NKAIN3: variants seen among roughly 807,000 people sequenced by gnomAD.
NKAIN3 encodes the protein sodium/potassium transporting ATPase interacting 3.
NKAIN3 carries 25 observed loss-of-function variants against 30.2 expected under a neutral mutation model. That is an observed-to-expected ratio of 0.83 (90% CI 0.60 to 1.16). NKAIN3 has a LOEUF of 1.16. Among genes scored for constraint, NKAIN3 ranks in the 50% most tolerant of loss-of-function variants. The pLI is 0.00. For synonymous variants in NKAIN3, 91 were observed against 89.6 expected (o/e 1.02, Z -0.09); for missense variants, 225 against 254.1 (o/e 0.89, Z 0.78).
intron 3 of NKAIN3, among the ~76,000 whole-genome samples, chr8:62,741,416 AAG>A (rs1815880291): frequency 7.8e-6 from 1 of 128,324 alleles, no homozygotes; most frequent in Non-Finnish European, 1.6e-5. Flanking sequence ...GGAAGGAAGG[AAG>A]GAAGGCAGGC....
intron 3 of NKAIN3, among the ~76,000 whole-genome samples, chr8:62,649,686 C>T (rs1426120168): frequency 6.6e-6 from 1 of 152,098 alleles, no homozygotes; most frequent in African/African-American, 2.4e-5. Context: ...ACTCTTAAAA[C>T]ACGGTTTTAT....
chr8:62,343,646 CA>C (rs957046941), intron 1 of NKAIN3, among the ~76,000 whole-genome samples: 23 of 151,768 alleles, frequency 1.5e-4, no homozygotes, highest in African/African-American at 5.6e-4. Context: ...CCCATGCCTT[CA>C]AAAAAATTTT....
intron 1 of NKAIN3, among the ~76,000 whole-genome samples, chr8:62,324,603 G>C (rs1194099088): frequency 6.6e-6 from 1 of 152,044 alleles, no homozygotes; most frequent in African/African-American, 2.4e-5. Flanking sequence ...TTACAAGAGA[G>C]AGCTAAAACA....
At chr8:62,281,408 C>A (rs1813185882) in intron 1 of NKAIN3, among the ~76,000 whole-genome samples, 2 of 152,098 alleles carry the variant, frequency 1.3e-5, no homozygotes, top group Admixed American at 1.3e-4. Context: ...TATTTCTTGA[C>A]TTCTGCTAAC....
chr8:62,841,784 T>C (rs1299134740), intron 4 of NKAIN3, among the ~76,000 whole-genome samples: 2 of 152,170 alleles, frequency 1.3e-5, no homozygotes, highest in Admixed American at 6.6e-5. Context: ...GGAGTGCAGA[T>C]ATCTCTTTGG....
In NKAIN3 at chr8:62,397,382, T is replaced by C. The variant is rs146444779; in HGVS notation, c.54+148255T>C. ...TGTTTAAAGGATTTCTATCTTGAAG[T>C]ATGTACTTTGTTTTCCTCAGGAGCA... On this transcript the variant is annotated intron_variant, in intron 1 of 6. Coordinates refer to ENST00000623646, the MANE Select transcript of NKAIN3 (RefSeq NM_001304533.3). Among the ~76,000 whole-genome samples the C allele has an allele frequency of 8.3e-3, 1,259 of 152,304 alleles. 26 individuals are homozygous for C. The highest frequency in any genetic ancestry group is 0.034 in the Admixed American group (525 of 15,296).
At chr8:62,588,979 C>T (rs1343877987) in intron 2 of NKAIN3, among the ~76,000 whole-genome samples, 1 of 151,754 alleles carries the variant, frequency 6.6e-6, no homozygotes, top group Non-Finnish European at 1.5e-5. Context: ...GTCTCTCGAT[C>T]TAGGGCTACC....
At chr8:62,307,932 T>C (rs1563927705) in intron 1 of NKAIN3, among the ~76,000 whole-genome samples, 1 of 150,346 alleles carries the variant, frequency 6.7e-6, no homozygotes, top group South Asian at 2.1e-4. Flanking sequence ...GTGGGGAAGA[T>C]GGACTCAGGC....
intron 4 of NKAIN3, among the ~76,000 whole-genome samples, chr8:62,878,658 T>C (rs1224395072): frequency 7.0e-6 from 1 of 142,728 alleles, no homozygotes; most frequent in African/African-American, 2.6e-5. Context: ...GCTATCATTT[T>C]CCCCTCCCCC....
chr8:62,261,513 C>G (rs2129389734), intron 1 of NKAIN3, among the ~76,000 whole-genome samples: 1 of 152,308 alleles, frequency 6.6e-6, no homozygotes, highest in South Asian at 2.1e-4. Context: ...TGGACTTACT[C>G]CAACACCCAG....
chr8:62,611,388 G>T (rs1282989537), intron 3 of NKAIN3, among the ~76,000 whole-genome samples: 1 of 151,972 alleles, frequency 6.6e-6, no homozygotes, highest in Non-Finnish European at 1.5e-5. Context: ...AAGTACTAAG[G>T]TCTTAGTCAT....
intron 1 of NKAIN3, among the ~76,000 whole-genome samples, chr8:62,443,417 T>C (rs1805390439): frequency 6.6e-6 from 1 of 152,164 alleles, no homozygotes; most frequent in African/African-American, 2.4e-5. Context: ...AAAGTCTCAC[T>C]CTGTCACCCA....
intron 4 of NKAIN3, among the ~76,000 whole-genome samples, chr8:62,788,694 C>G (rs1255798315): frequency 6.6e-6 from 1 of 151,734 alleles, no homozygotes; most frequent in African/African-American, 2.4e-5. Flanking sequence ...TTTAATCCAT[C>G]TTGAATTAAT....
intron 4 of NKAIN3, among the ~76,000 whole-genome samples, chr8:62,895,495 G>A (rs139353391): frequency 6.6e-6 from 1 of 152,298 alleles, no homozygotes; most frequent in African/African-American, 2.4e-5. Flanking sequence ...CAAGATCTCA[G>A]GTAGTGTGGA....
chr8:62,287,176 T>C (rs1027592626), intron 1 of NKAIN3, among the ~76,000 whole-genome samples: 1 of 151,500 alleles, frequency 6.6e-6, no homozygotes, highest in Non-Finnish European at 1.5e-5. Context: ...CTTTGGCTCA[T>C]ACGAGGTTGT....
chr8:62,776,921 C>A (rs1586184390), intron 4 of NKAIN3, among the ~76,000 whole-genome samples: 1 of 152,036 alleles, frequency 6.6e-6, no homozygotes, highest in Non-Finnish European at 1.5e-5. Context: ...CAGCTTTTGT[C>A]TGAGAAAGTC....
chr8:62,352,873 T>C (rs1480112214), intron 1 of NKAIN3, among the ~76,000 whole-genome samples: 1 of 152,146 alleles, frequency 6.6e-6, no homozygotes, highest in Non-Finnish European at 1.5e-5. Flanking sequence ...GAAGAAATAT[T>C]AGGTACCACA....
intron 3 of NKAIN3, among the ~76,000 whole-genome samples, chr8:62,680,486 G>C (rs1409163688): frequency 1.3e-5 from 2 of 152,058 alleles, no homozygotes; most frequent in East Asian, 3.9e-4. Flanking sequence ...GACTTAAAAA[G>C]GATTTTGTCT....
chr8:62,819,409 T>A (rs758561512), intron 4 of NKAIN3, among the ~76,000 whole-genome samples: 8 of 151,986 alleles, frequency 5.3e-5, no homozygotes, highest in Non-Finnish European at 1.2e-4. Flanking sequence ...GTGCTAATTC[T>A]ATGTTTGGAA....
Sources: allele counts gnomAD v4.1 joint callset (sites outside exome capture counted in the v4.1 genomes callset), GRCh38; gene constraint gnomAD v4.1.1; transcripts MANE v1.5; gene names NCBI Gene and HGNC (gene_info 2026-07-23, HGNC 2026-07-21).